Variants in DLG2 observed in about 807,000 individuals in gnomAD.
DLG2 encodes the protein discs large MAGUK scaffold protein 2.
In DLG2, 45 loss-of-function variants were observed where a neutral mutation model predicts 132.5. That is an observed-to-expected ratio of 0.34 (90% CI 0.27 to 0.44). The LOEUF is 0.44. DLG2 is among the 20% of genes least tolerant of loss of function. The probability of loss-of-function intolerance (pLI) is 1.00; values close to 1 mark genes in which losing one functional copy is unlikely to be tolerated. For missense variants in DLG2, 1,045 were observed against 1,196.9 expected, an observed-to-expected ratio of 0.87 and a Z score of 1.87; for synonymous variants, 424 against 419.6, an observed-to-expected ratio of 1.01 and a Z score of -0.13.
At chr11:84,190,974 G>C (rs2096396306) in intron 8 of DLG2, among the ~76,000 whole-genome samples, 1 of 152,180 alleles carries the variant, frequency 6.6e-6, no homozygotes, top group African/African-American at 2.4e-5. Flanking sequence ...AGTATGTACT[G>C]ACCAAACTTT....
At position 84,251,637 on chromosome 11, in the gene DLG2, C is replaced by CTTTTTTTTTTTTTTTTTTTTTTTTT. The variant is rs369651884; in HGVS notation, c.520-347_520-346insAAAAAAAAAAAAAAAAAAAAAAAAA. On this transcript the variant is annotated intron_variant, in intron 7 of 27. Coordinates refer to ENST00000376104, the MANE Select transcript of DLG2 (RefSeq NM_001142699.3). ...GTAAGAGTTAAAACTTGTATCTTTT[C>CTTTTTTTTTTTTTTTTTTTTTTTTT]TTTCTTTTTTTTTTTTTTTTGTGAG... 1.5e-5 allele frequency among the ~76,000 whole-genome samples: 2 copies of CTTTTTTTTTTTTTTTTTTTTTTTTT among 130,040 alleles called. 1 individual carries two copies. The highest frequency in any genetic ancestry group is 3.2e-5 in the Non-Finnish European group (2 of 62,522). The allele number at this position is 130,040 out of a possible 152,430, so 85.3% of individuals were successfully genotyped here. A position where few individuals can be genotyped will look rare whatever the true frequency, so the allele number is the denominator to read the frequency against.
At chr11:84,003,594 C>T (rs11537256) in intron 11 of DLG2, among the ~76,000 whole-genome samples, 59,301 of 151,832 alleles carry the variant, frequency 0.39, 13,458 homozygotes, top group Middle Eastern at 0.57. Context: ...GGAAGAGCCT[C>T]TTATAAAACC....
In DLG2 at chr11:84,952,038, T is replaced by C. The variant is rs891444343; in HGVS notation, c.357+159623A>G. Among the ~76,000 whole-genome samples, 5 of 152,324 alleles carry C rather than the reference T, an allele frequency of 3.3e-5. No homozygotes were observed. In the South Asian group the frequency reaches 1.0e-3, roughly 32 times the overall value. Reference sequence around the variant, plus strand: ...GGTCCTCACTCACAGGTGGTAACCTTAAAAAGCTTATAATGTGTCCTTTTC... The same window carrying C: ...GGTCCTCACTCACAGGTGGTAACCTCAAAAAGCTTATAATGTGTCCTTTTC... On this transcript the variant is annotated intron_variant, in intron 6 of 27. Transcript: ENST00000376104.
At chr11:85,375,773 G>T (rs1305855424) in intron 3 of DLG2, among the ~76,000 whole-genome samples, 1 of 152,162 alleles carries the variant, frequency 6.6e-6, no homozygotes, top group African/African-American at 2.4e-5. Context: ...ATTTTTGACT[G>T]TGCTCTTGTA....
At chr11:84,643,562 C>G (rs891262602) in intron 6 of DLG2, among the ~76,000 whole-genome samples, 1 of 152,130 alleles carries the variant, frequency 6.6e-6, no homozygotes, top group African/African-American at 2.4e-5. Flanking sequence ...TTATTATTCC[C>G]TCAAATCTGG....
chr11:83,974,682 A>T (rs12794213), intron 12 of DLG2, among the ~76,000 whole-genome samples: 3 of 152,044 alleles, frequency 2.0e-5, no homozygotes, highest in Non-Finnish European at 4.4e-5. Flanking sequence ...AATATTTTAA[A>T]GCATACTTTT....
intron 6 of DLG2, among the ~76,000 whole-genome samples, chr11:85,076,555 GA>G (rs1169175745): frequency 6.6e-6 from 1 of 152,006 alleles, no homozygotes; most frequent in African/African-American, 2.4e-5. Flanking sequence ...GTCTGCCAGA[GA>G]AGTAACTGCC....
Position 83,904,315 on chromosome 11 carries a change from T to G in DLG2, c.1496+26013A>C, listed in dbSNP as rs2074196730. Among the ~76,000 whole-genome samples, 3 of 152,200 alleles carry G rather than the reference T, an allele frequency of 2.0e-5. No homozygotes were observed. In the South Asian group the frequency reaches 6.2e-4, roughly 32 times the overall value. ...TTTAGACCATGATTGATATGCAAAA[T>G]CATGGACAAATTGAGGACCACTGTG... On this transcript the variant is annotated intron_variant, in intron 15 of 27. Coordinates refer to ENST00000376104, the MANE Select transcript of DLG2 (RefSeq NM_001142699.3).
intron 6 of DLG2, among the ~76,000 whole-genome samples, chr11:84,914,614 G>A (rs2092337342): frequency 2.0e-5 from 3 of 152,306 alleles, no homozygotes; most frequent in East Asian, 3.9e-4. Context: ...ACTCAAGTCA[G>A]GGGAACCTAA....
intron 8 of DLG2, among the ~76,000 whole-genome samples, chr11:84,179,697 G>C (rs574217275): frequency 6.6e-6 from 1 of 152,088 alleles, no homozygotes; most frequent in South Asian, 2.1e-4. Flanking sequence ...TTCTTAATAA[G>C]GGCTTCTCTC....
At chr11:83,515,405 GA>G (rs1329625515) in intron 21 of DLG2, among the ~76,000 whole-genome samples, 2 of 152,070 alleles carry the variant, frequency 1.3e-5, no homozygotes, top group Non-Finnish European at 2.9e-5. Context: ...GCGTCTATTT[GA>G]TTCTTCTCTC....
At chr11:85,531,800 A>T (rs532305040) in intron 3 of DLG2, among the ~76,000 whole-genome samples, 4 of 152,328 alleles carry the variant, frequency 2.6e-5, no homozygotes, top group East Asian at 1.9e-4. Context: ...CTTACCCTGG[A>T]GTTCATAGCA....
At chr11:85,093,764 CTT>C (rs2069241840) in intron 6 of DLG2, among the ~76,000 whole-genome samples, 1 of 152,194 alleles carries the variant, frequency 6.6e-6, no homozygotes, top group Non-Finnish European at 1.5e-5. Context: ...CCTCACATGA[CTT>C]GTGGGAATTA....
chr11:83,479,613 A>T (rs2137133165), intron 22 of DLG2, among the ~76,000 whole-genome samples: 1 of 152,238 alleles, frequency 6.6e-6, no homozygotes, highest in East Asian at 1.9e-4. Flanking sequence ...GTAAAAAACC[A>T]TGAGGACTGA....
chr11:84,427,733 C>G (rs996419801), intron 7 of DLG2, among the ~76,000 whole-genome samples: 1 of 150,712 alleles, frequency 6.6e-6, no homozygotes, highest in African/African-American at 2.5e-5. Context: ...ACATTTTTAC[C>G]CCTCCCATGC....
chr11:84,489,677 G>A (rs543339503), intron 7 of DLG2, among the ~76,000 whole-genome samples: 27 of 152,080 alleles, frequency 1.8e-4, no homozygotes, highest in Admixed American at 5.9e-4. Flanking sequence ...GCTTGTATTC[G>A]TATTATTCCT....
chr11:83,607,433 T>C (rs913228253), intron 19 of DLG2, among the ~76,000 whole-genome samples: 1 of 152,226 alleles, frequency 6.6e-6, no homozygotes, highest in Non-Finnish European at 1.5e-5. Flanking sequence ...GGTCTGTTAG[T>C]TGTCTCCCAG....
At chr11:85,466,758 T>C (rs2092805136) in intron 3 of DLG2, among the ~76,000 whole-genome samples, 1 of 152,222 alleles carries the variant, frequency 6.6e-6, no homozygotes, top group Admixed American at 6.5e-5. Context: ...CCTCCAGCTT[T>C]GTTATTTTGG....
chr11:83,864,254 G>A (rs975459268), intron 16 of DLG2, among the ~76,000 whole-genome samples: 5 of 152,104 alleles, frequency 3.3e-5, no homozygotes, highest in African/African-American at 1.2e-4. Flanking sequence ...CTTTTGTTCT[G>A]TAATTACAAA....
Sources: gnomAD v4.1 joint callset for allele counts (sites outside exome capture counted in the v4.1 genomes callset) on GRCh38, gnomAD v4.1.1 for gene constraint, MANE v1.5 for transcripts, NCBI Gene and HGNC (gene_info 2026-07-23, HGNC 2026-07-21) for gene names.